Variants in NRG4 observed in about 807,000 individuals in gnomAD.
The protein encoded by NRG4 is pro-neuregulin-4, membrane-bound isoform.
Under a neutral mutation model 15.0 loss-of-function variants are expected in NRG4, and 10 were observed. The observed-to-expected ratio is 0.67, with a 90% confidence interval of 0.41 to 1.13. The LOEUF is 1.13. Ranked by LOEUF, NRG4 falls within the 50% of genes most tolerant of loss-of-function variation. The pLI, the probability that NRG4 is intolerant of heterozygous loss-of-function variation, is 0.00. For missense variants in NRG4, 139 were observed against 140.2 expected, an observed-to-expected ratio of 0.99 and a Z score of 0.04; for synonymous variants, 41 against 50.1, an observed-to-expected ratio of 0.82 and a Z score of 0.77.
rs1040509654 is a variant in NRG4, at chr15:75,941,270, TAAAAA to T, written c.*2363_*2367del. The T allele has an allele frequency of 6.6e-6, 1 of 152,060 alleles. No homozygotes were observed. The highest frequency in any genetic ancestry group is 2.4e-5 in the African/African-American group (1 of 41,426). The allele number at this position is 152,060 out of a possible 1,614,324, so 9.4% of individuals were successfully genotyped here. ...CCACTGGGATAGCTCTTATTAAAAT[TAAAAA>T]AACACACAAGTGTTGGCAAGGATGT... On this transcript the variant is annotated 3_prime_UTR_variant, in exon 6 of 6. Transcript: ENST00000394907.
downstream of NRG4, chr15:75,935,823 T>G (rs1257316326): frequency 6.6e-6 from 1 of 152,084 alleles, no homozygotes; most frequent in Non-Finnish European, 1.5e-5. Flanking sequence ...AGTCCCGCTC[T>G]TTAGCCCAGG....
At chr15:75,971,828 T>G (rs1436818045) in intron 3 of NRG4, among the ~76,000 whole-genome samples, 1 of 152,198 alleles carries the variant, frequency 6.6e-6, no homozygotes, top group African/African-American at 2.4e-5. Flanking sequence ...ACAATAAACA[T>G]ACGTGTGCAC....
At chr15:76,027,718 A>T (rs957629033) in intron 5 of NRG4, among the ~76,000 whole-genome samples, 5 of 152,274 alleles carry the variant, frequency 3.3e-5, no homozygotes, top group African/African-American at 1.2e-4. Flanking sequence ...AGAACGTTTC[A>T]CCCAACAACT....
chr15:76,005,511 C>T (rs1465311747), intron 3 of NRG4, among the ~76,000 whole-genome samples: 2 of 151,294 alleles, frequency 1.3e-5, no homozygotes, highest in Non-Finnish European at 2.9e-5. Context: ...AATGGCGAAA[C>T]CCCGCCTGTA....
At chr15:76,017,237 G>A (rs1391431437), upstream of NRG4, among the ~76,000 whole-genome samples, 1 of 107,132 alleles carries the variant, frequency 9.3e-6, no homozygotes, top group Non-Finnish European at 1.8e-5. Flanking sequence ...GTGTTTCTTT[G>A]CATATAAGAT....
chr15:76,033,840 G>C (rs2035534404), intron 5 of NRG4, among the ~76,000 whole-genome samples: 1 of 152,202 alleles, frequency 6.6e-6, no homozygotes, highest in African/African-American at 2.4e-5. Context: ...CTTCCGTGAA[G>C]TCCCCCAGCA....
chr15:76,004,725 CCTT>C (rs577821362), intron 3 of NRG4, among the ~76,000 whole-genome samples: 4 of 151,656 alleles, frequency 2.6e-5, no homozygotes, highest in Non-Finnish European at 4.4e-5. Flanking sequence ...TACAAAAGCC[CCTT>C]CTTATCAGTA....
chr15:75,992,281 A>G (rs1190426253), intron 3 of NRG4, among the ~76,000 whole-genome samples: 1 of 152,114 alleles, frequency 6.6e-6, no homozygotes, highest in Non-Finnish European at 1.5e-5. Flanking sequence ...ACAGTTTTAT[A>G]TTTACGCATA....
chr15:75,971,828 T>A (rs1436818045), intron 3 of NRG4, among the ~76,000 whole-genome samples: 2 of 152,200 alleles, frequency 1.3e-5, no homozygotes, highest in African/African-American at 2.4e-5. Context: ...ACAATAAACA[T>A]ACGTGTGCAC....
At chr15:76,002,436 C>T (rs578020307) in intron 3 of NRG4, among the ~76,000 whole-genome samples, 2 of 152,144 alleles carry the variant, frequency 1.3e-5, no homozygotes, top group African/African-American at 4.8e-5. Context: ...AAATGCTGGT[C>T]AACGAGCAAA....
At chr15:76,037,794 A>C (rs2035628415) in intron 4 of NRG4, among the ~76,000 whole-genome samples, 1 of 152,220 alleles carries the variant, frequency 6.6e-6, no homozygotes, top group Admixed American at 6.5e-5. Flanking sequence ...AAGAGCCACA[A>C]GCTGTATTGC....
intron 5 of NRG4, among the ~76,000 whole-genome samples, chr15:76,027,185 C>A (rs558643289): frequency 6.6e-6 from 1 of 151,988 alleles, no homozygotes; most frequent in South Asian, 2.1e-4. Flanking sequence ...ATAAGAAACT[C>A]CCTTTATCCA....
intron 5 of NRG4, among the ~76,000 whole-genome samples, chr15:75,949,964 G>A (rs772973544): frequency 6.6e-6 from 1 of 152,048 alleles, no homozygotes; most frequent in Non-Finnish European, 1.5e-5. Flanking sequence ...GGTCCTTTGC[G>A]TTTCCATGGG....
chr15:75,967,178 T>C (rs1205875172), intron 3 of NRG4, among the ~76,000 whole-genome samples: 1 of 151,028 alleles, frequency 6.6e-6, no homozygotes. Flanking sequence ...CAAAATCCTA[T>C]GAAACCCCTA....
At chr15:76,024,461 C>G (rs1464160868) in intron 5 of NRG4, among the ~76,000 whole-genome samples, 1 of 152,356 alleles carries the variant, frequency 6.6e-6, no homozygotes, top group East Asian at 1.9e-4. Flanking sequence ...GAAACAGCCA[C>G]CCGGGATACC....
chr15:75,963,325 G>A lies in NRG4; in HGVS notation c.105-1351C>T, dbSNP rs375883051. Among the ~76,000 whole-genome samples, 7 of 152,118 alleles carry A rather than the reference G, an allele frequency of 4.6e-5. No individual in the cohort carries two copies. The East Asian group carries it at 9.7e-4, about 21-fold the overall frequency. ...ATAGGGAAAGTAAGGATAGGATATC[G>A]GTAGCAAACTTAAATGAAAGTAAAA... On this transcript the variant is annotated intron_variant, in intron 3 of 5. Coordinates refer to ENST00000394907, the MANE Select transcript of NRG4 (RefSeq NM_138573.4).
intron 4 of NRG4, among the ~76,000 whole-genome samples, chr15:76,038,552 G>GAA: frequency 6.6e-6 from 1 of 152,306 alleles, no homozygotes; most frequent in South Asian, 2.1e-4. Flanking sequence ...GGAAAAGTGA[G>GAA]AACTGTTTTT....
intron 4 of NRG4, among the ~76,000 whole-genome samples, chr15:76,049,976 G>T (rs2035957914): frequency 6.6e-6 from 1 of 151,004 alleles, no homozygotes; most frequent in South Asian, 2.1e-4. Flanking sequence ...ATATGTTAAT[G>T]ATGGTCACAC....
intron 3 of NRG4, among the ~76,000 whole-genome samples, chr15:75,964,934 GAA>G: frequency 6.6e-6 from 1 of 150,962 alleles, no homozygotes; most frequent in South Asian, 2.1e-4. Context: ...ATAAAAAAAA[GAA>G]AAAAAGAGGC....
Sources: gnomAD v4.1 joint callset for allele counts (sites outside exome capture counted in the v4.1 genomes callset) on GRCh38, gnomAD v4.1.1 for gene constraint, MANE v1.5 for transcripts, NCBI Gene and HGNC (gene_info 2026-07-23, HGNC 2026-07-21) for gene names.